The following CD3E variants were observed in gnomAD, a reference collection of about 807,000 sequenced individuals.
The protein encoded by CD3E is CD3 epsilon subunit of T-cell receptor complex, also known as T-cell surface glycoprotein CD3 epsilon chain.
In CD3E, 16 loss-of-function variants were observed where a neutral mutation model predicts 34.7. The ratio of observed to expected loss-of-function variants is 0.46; its 90% CI spans 0.31 to 0.70. CD3E has a LOEUF of 0.70. Among genes scored for constraint, CD3E ranks in the 30% least tolerant of loss-of-function variants. The pLI, the probability that CD3E is intolerant of heterozygous loss-of-function variation, is 0.05. For missense variants in CD3E, 223 were observed against 253.9 expected, an observed-to-expected ratio of 0.88 and a Z score of 0.83; for synonymous variants, 70 against 90.8, an observed-to-expected ratio of 0.77 and a Z score of 1.30.
At chr11:118,308,208 GC>G (rs1337026678) in intron 3 of CD3E, among the ~76,000 whole-genome samples, 2 of 152,178 alleles carry the variant, frequency 1.3e-5, no homozygotes, top group African/African-American at 4.8e-5. Flanking sequence ...CCTAGATTCC[GC>G]CATGCTGCCT....
chr11:118,314,863 T>A lies in CD3E; in HGVS notation c.567+369T>A, dbSNP rs1043262392. 7.2e-5 allele frequency among the ~76,000 whole-genome samples: 11 copies of A among 152,184 alleles called. No homozygotes were observed. In the East Asian group the frequency reaches 1.2e-3, roughly 16 times the overall value. The stretch of plus-strand genomic sequence containing the variant: ...TAGCGAGTTATTGAAATATTAAAAT[T>A]ATATAAATATTATATAAAAGTTATT... On this transcript the variant is annotated intron_variant, in intron 8 of 8. Coordinates refer to ENST00000361763, the MANE Select transcript of CD3E (RefSeq NM_000733.4).
At chr11:118,310,277 C>A (rs1467211536) in intron 4 of CD3E, among the ~76,000 whole-genome samples, 1 of 152,178 alleles carries the variant, frequency 6.6e-6, no homozygotes, top group Non-Finnish European at 1.5e-5. Flanking sequence ...TCCCTCCTCC[C>A]ACCCTCCACC....
chr11:118,313,761 T>A lies in CD3E; in HGVS notation c.407T>A (p.Val136Glu). The change falls in exon 7 of 9, where the codon GTG (valine) becomes GAG (glutamate). Residue 136 changes from valine (V) to glutamate (E), a missense_variant. Physicochemically the swap from Val to Glu is moderately radical, Grantham distance 121. Transcript: ENST00000361763. ...DVMSVATIVI[V>E]DICITGGLLL... ...ATGTCGGTGGCCACAATTGTCATAGTGGACATCTGCATCACTGGGGGCTTG... is the reference window on the plus strand; with the variant it reads ...ATGTCGGTGGCCACAATTGTCATAGAGGACATCTGCATCACTGGGGGCTTG... 6.2e-7 allele frequency: 1 copy of A among 1,614,058 alleles called. No individual in the cohort carries two copies.
Position 118,315,901 on chromosome 11 carries a change from G to T in CD3E, c.*359G>T. 1 of 392,644 alleles carries T rather than the reference G, an allele frequency of 2.5e-6. No homozygotes were observed. Among genetic ancestry groups the T allele is most frequent in the South Asian group, 2.7e-5 (1 of 37,256 alleles). 24.3% of individuals were successfully genotyped at this position (392,644 alleles called of 1,614,324 possible). On this transcript the variant is annotated 3_prime_UTR_variant, in exon 9 of 9. Coordinates refer to ENST00000361763, the MANE Select transcript of CD3E (RefSeq NM_000733.4). ...CATGTAAGTTGTCCCCCATCCCAAA[G>T]TATTCCATCTACTTTTCTATCGCCG...
rs1044670959 is a variant in CD3E at position 118,315,711 on chromosome 11, C to G, written c.*169C>G. 1 of 675,212 alleles carries G rather than the reference C, an allele frequency of 1.5e-6. No individual in the cohort carries two copies. Among genetic ancestry groups the G allele is most frequent in the Non-Finnish European group, 2.7e-6 (1 of 372,010 alleles). The allele number at this position is 675,212 out of a possible 1,614,324, so 41.8% of individuals were successfully genotyped here. ...CCCCGCTCCCTCCTCCCTGCCTTCT[C>G]TGCTGGTACCCAGTCCTAAAATATT... On this transcript the variant is annotated 3_prime_UTR_variant, in exon 9 of 9. Coordinates refer to ENST00000361763, the MANE Select transcript of CD3E (RefSeq NM_000733.4).
intron 3 of CD3E, 35 bp from the exon 4 acceptor site, chr11:118,308,392 A>G (rs1565510399): frequency 3.8e-6 from 6 of 1,567,386 alleles, no homozygotes; most frequent in Non-Finnish European, 5.3e-6. Context: ...GCCGATAGAA[A>G]CATTACTAAT....
chr11:118,310,651 C>T (rs1391620112), intron 4 of CD3E, among the ~76,000 whole-genome samples: 2 of 152,170 alleles, frequency 1.3e-5, no homozygotes, highest in Admixed American at 6.5e-5. Context: ...TAAGTCTAAG[C>T]TCTGCTACTG....
Position 118,315,945 on chromosome 11 carries a change from T to G in CD3E, c.*403T>G. 1 of 315,278 alleles carries G rather than the reference T, an allele frequency of 3.2e-6. No homozygotes were observed. The highest frequency in any genetic ancestry group is 6.1e-6 in the Non-Finnish European group (1 of 163,302). The allele number at this position is 315,278 out of a possible 1,614,324, so 19.5% of individuals were successfully genotyped here. A position where few individuals can be genotyped will look rare whatever the true frequency, so the allele number is the denominator to read the frequency against. On this transcript the variant is annotated 3_prime_UTR_variant, in exon 9 of 9. Transcript: ENST00000361763. ...ATCGCCGTCCCCTTTTGCAGCCCTC[T>G]CTGGGGATGGACTGGGTAAATGTTG...
At chr11:118,313,550 T>C (rs1185517091) in intron 6 of CD3E, 157 bp from the exon 7 acceptor site, 2 of 725,390 alleles carry the variant, frequency 2.8e-6, no homozygotes, top group Non-Finnish European at 4.8e-6. Context: ...TCTTTGCTTG[T>C]CAATGTTGTT....
chr11:118,313,995 C>T lies in CD3E; in HGVS notation c.520+121C>T. ...GCTTCTCTAGAGCTTCTATGCACAG[C>T]TTCTATTACTGTGATGACAAGATCT... On this transcript the variant is annotated intron_variant, in intron 7 of 8. Transcript: ENST00000361763. 3.4e-6 allele frequency: 3 copies of T among 889,312 alleles called. No individual in the cohort carries two copies. The South Asian group carries it at 4.2e-5, about 13-fold the overall frequency. 55.1% of individuals were successfully genotyped at this position (889,312 alleles called of 1,614,324 possible). A position where few individuals can be genotyped will look rare whatever the true frequency, so the allele number is the denominator to read the frequency against.
intron 8 of CD3E, 83 bp downstream of exon 8, chr11:118,314,577 G>A: frequency 7.0e-6 from 9 of 1,281,778 alleles, no homozygotes; most frequent in Non-Finnish European, 1.0e-5. Flanking sequence ...GGCCCATCTT[G>A]TCTGCCAGAT....
At chr11:118,314,534 T>C in intron 8 of CD3E, 40 bp downstream of exon 8, 1 of 1,576,750 alleles carries the variant, frequency 6.3e-7, no homozygotes, top group Non-Finnish European at 8.7e-7. Flanking sequence ...CTGGAGGGGA[T>C]GTCCCTCCAG....
At position 118,312,744 on chromosome 11, in the gene CD3E, G is replaced by A. The variant is rs202007244; in HGVS notation, c.230G>A (p.Ser77Asn). The part of the protein sequence containing the change: ...GGDEDDKNIG[S>N]DEDHLSLKEF... ...GATGAGGATGATAAAAACATAGGCA[G>A]TGATGAGGATCACCTGTCACTGAAG... Residue 77 changes from serine to asparagine, a missense_variant, in exon 6 of 9, where the codon AGT becomes AAT. Physicochemically the swap from Ser to Asn is conservative, Grantham distance 46 (BLOSUM62 1). Transcript: ENST00000361763. 1.5e-5 allele frequency: 24 copies of A among 1,614,166 alleles called. No individual in the cohort carries two copies. The East Asian group carries it at 5.3e-4, about 36-fold the overall frequency.
chr11:118,309,440 G>C (rs4938503), intron 4 of CD3E, among the ~76,000 whole-genome samples: 39,671 of 152,102 alleles, frequency 0.26, 6,231 homozygotes, highest in Admixed American at 0.4. Flanking sequence ...GCCAGGCATG[G>C]TGGCAGGTGC....
At chr11:118,313,929 T>C in intron 7 of CD3E, 55 bp downstream of exon 7, 1 of 1,587,044 alleles carries the variant, frequency 6.3e-7, no homozygotes, top group Non-Finnish European at 8.6e-7. Context: ...ACGACCAGCC[T>C]GGGCCAGGGT....
At chr11:118,314,549 G>A in intron 8 of CD3E, 55 bp downstream of exon 8, 1 of 1,518,648 alleles carries the variant, frequency 6.6e-7, no homozygotes, top group South Asian at 1.1e-5. Context: ...CTCCAGGGGG[G>A]AAGGAAACAG....
chr11:118,315,873 T>C lies in CD3E; in HGVS notation c.*331T>C. The C allele has an allele frequency of 2.2e-6, 1 of 458,864 alleles. No individual in the cohort carries two copies. The highest frequency in any genetic ancestry group is 4.2e-5 in the East Asian group (1 of 23,818). 28.4% of individuals were successfully genotyped at this position (458,864 alleles called of 1,614,324 possible). ...TTCTCCGTTCAGTTCCCTCCTTTTC[T>C]TGCATGTAAGTTGTCCCCCATCCCA... On this transcript the variant is annotated 3_prime_UTR_variant, in exon 9 of 9. Transcript: ENST00000361763.
At chr11:118,314,380 T>G in intron 7 of CD3E, 68 bp from the exon 8 acceptor site, 1 of 1,368,042 alleles carries the variant, frequency 7.3e-7, no homozygotes, top group South Asian at 1.2e-5. Flanking sequence ...TGGGTCTCAC[T>G]GGCACAGACA....
rs35299792 is a variant in CD3E at position 118,312,837 on chromosome 11, C to T, written c.323C>T (p.Ala108Val). 1,196 of 1,614,098 alleles carry T rather than the reference C, an allele frequency of 7.4e-4. 14 individuals carry two copies. In the African/African-American group the frequency reaches 0.013, roughly 18 times the overall value. Residue 108 changes from alanine to valine, a missense_variant, in exon 6 of 9, where the codon GCG becomes GTG. Coordinates refer to ENST00000361763, the MANE Select transcript of CD3E (RefSeq NM_000733.4). The stretch of plus-strand genomic sequence containing the variant: ...CCCAGAGGAAGCAAACCAGAAGATG[C>T]GAACTTTTATCTCTACCTGAGGGCA... ...CYPRGSKPED[A>V]NFYLYLRARV...
Sources: gnomAD v4.1 joint callset for allele counts (sites outside exome capture counted in the v4.1 genomes callset) on GRCh38, gnomAD v4.1.1 for gene constraint, MANE v1.5 for transcripts, NCBI Gene and HGNC (gene_info 2026-07-23, HGNC 2026-07-21) for gene names.